The following MYO3B variants were observed in gnomAD, a reference collection of about 807,000 sequenced individuals.
The protein encoded by MYO3B is myosin-IIIb.
MYO3B carries 156 observed loss-of-function variants against 174.6 expected under a neutral mutation model. That is an observed-to-expected ratio of 0.89 (90% CI 0.78 to 1.02). MYO3B has a LOEUF of 1.02. MYO3B is among the 50% of genes least tolerant of loss of function. The pLI, the probability that MYO3B is intolerant of heterozygous loss-of-function variation, is 0.00. For synonymous variants in MYO3B, 563 were observed against 569.1 expected, an observed-to-expected ratio of 0.99 and a Z score of 0.15; for missense variants, 1,632 against 1,639.4, an observed-to-expected ratio of 1.00 and a Z score of 0.08.
At chr2:170,289,653 CTT>C (rs1160491027) in intron 7 of MYO3B, among the ~76,000 whole-genome samples, 1 of 151,786 alleles carries the variant, frequency 6.6e-6, no homozygotes, top group Non-Finnish European at 1.5e-5. Context: ...CAAAAACAAA[CTT>C]TTCATTTCCT....
chr2:170,293,082 T>C (rs2093606394), intron 7 of MYO3B, among the ~76,000 whole-genome samples: 1 of 152,152 alleles, frequency 6.6e-6, no homozygotes, highest in African/African-American at 2.4e-5. Flanking sequence ...TCTTTCACTG[T>C]TGACTTGGAG....
chr2:170,264,316 G>A (rs2093366942), intron 7 of MYO3B, among the ~76,000 whole-genome samples: 1 of 152,174 alleles, frequency 6.6e-6, no homozygotes, highest in Non-Finnish European at 1.5e-5. Context: ...TTCACAGTAT[G>A]GTGGTCTCAG....
At chr2:170,639,590 G>A (rs1575319445) in intron 32 of MYO3B, among the ~76,000 whole-genome samples, 1 of 152,174 alleles carries the variant, frequency 6.6e-6, no homozygotes, top group Admixed American at 6.5e-5. Context: ...CAAAAAGACA[G>A]CAAGACAATA....
In MYO3B at chr2:170,478,801, C is replaced by T. The variant is rs184564319; in HGVS notation, c.3014+12090C>T. On this transcript the variant is annotated intron_variant, in intron 25 of 34. Transcript: ENST00000408978. ...GGCCAGGCTGATCTCGAACTCCTGA[C>T]CTCAGGTGATCTCGGAGGTCTTGGC... 2.0e-3 allele frequency among the ~76,000 whole-genome samples: 292 copies of T among 147,430 alleles called. 2 individuals are homozygous for T. The highest frequency in any genetic ancestry group is 6.5e-3 in the African/African-American group (262 of 40,096).
At chr2:170,403,489 A>G (rs567754462) in intron 19 of MYO3B, among the ~76,000 whole-genome samples, 1 of 152,182 alleles carries the variant, frequency 6.6e-6, no homozygotes, top group Admixed American at 6.5e-5. Flanking sequence ...TGAGTTTAAT[A>G]ATAAATAAGA....
intron 1 of MYO3B, among the ~76,000 whole-genome samples, chr2:170,194,692 G>A (rs1032660776): frequency 6.6e-6 from 1 of 152,094 alleles, no homozygotes; most frequent in Non-Finnish European, 1.5e-5. Context: ...TAGGATATAC[G>A]TATATATGAA....
chr2:170,197,517 C>T (rs895175786), intron 1 of MYO3B, among the ~76,000 whole-genome samples: 12 of 152,138 alleles, frequency 7.9e-5, no homozygotes, highest in African/African-American at 2.4e-4. Context: ...AAGATTATGG[C>T]GTGAAGTTAT....
At chr2:170,614,068 C>T (rs1216729172) in intron 32 of MYO3B, among the ~76,000 whole-genome samples, 1 of 152,168 alleles carries the variant, frequency 6.6e-6, no homozygotes, top group Non-Finnish European at 1.5e-5. Flanking sequence ...TTTCATCCCT[C>T]TCTTCAATCC....
chr2:170,560,195 A>G (rs1399439903), intron 32 of MYO3B, among the ~76,000 whole-genome samples: 1 of 152,206 alleles, frequency 6.6e-6, no homozygotes, highest in South Asian at 2.1e-4. Flanking sequence ...ATTTCTAAAA[A>G]ACTACACTTG....
intron 25 of MYO3B, among the ~76,000 whole-genome samples, chr2:170,476,043 C>T (rs1685295661): frequency 6.6e-6 from 1 of 150,436 alleles, no homozygotes; most frequent in Non-Finnish European, 1.5e-5. Context: ...CCTACACATT[C>T]CTTTCCTTTT....
intron 32 of MYO3B, among the ~76,000 whole-genome samples, chr2:170,595,019 G>T (rs1188613983): frequency 6.6e-6 from 1 of 152,152 alleles, no homozygotes; most frequent in Non-Finnish European, 1.5e-5. Flanking sequence ...GAAAGAACCT[G>T]TGCAGGAGAG....
chr2:170,498,125 G>A (rs193276671), intron 25 of MYO3B, among the ~76,000 whole-genome samples: 11 of 152,218 alleles, frequency 7.2e-5, no homozygotes, highest in Admixed American at 7.2e-4. Flanking sequence ...AAGATGAATA[G>A]CTCAGCAGAA....
At chr2:170,323,741 T>C (rs2105502674) in intron 7 of MYO3B, among the ~76,000 whole-genome samples, 1 of 152,354 alleles carries the variant, frequency 6.6e-6, no homozygotes, top group East Asian at 1.9e-4. Context: ...TTTCACATAG[T>C]AAGTACTCAA....
At chr2:170,563,288 TGTA>T (rs1334598050) in intron 32 of MYO3B, among the ~76,000 whole-genome samples, 1 of 152,154 alleles carries the variant, frequency 6.6e-6, no homozygotes, top group Non-Finnish European at 1.5e-5. Flanking sequence ...TAAAGGATAG[TGTA>T]GTTCTCCAAG....
intron 7 of MYO3B, among the ~76,000 whole-genome samples, chr2:170,320,365 GA>G (rs1300525881): frequency 1.3e-5 from 2 of 152,054 alleles, no homozygotes; most frequent in Non-Finnish European, 2.9e-5. Flanking sequence ...ATTTTATAAT[GA>G]AAATATAAGA....
intron 23 of MYO3B, among the ~76,000 whole-genome samples, chr2:170,446,805 A>G (rs1006003954): frequency 6.6e-6 from 1 of 152,204 alleles, no homozygotes; most frequent in South Asian, 2.1e-4. Context: ...AAAGCCTACA[A>G]ATTTATTTAA....
chr2:170,237,102 C>A (rs1180123541), intron 7 of MYO3B, among the ~76,000 whole-genome samples: 1 of 152,166 alleles, frequency 6.6e-6, no homozygotes. Flanking sequence ...CCACCCAAGC[C>A]AGAGTTAGTC....
At chr2:170,307,421 T>G (rs1271469270) in intron 7 of MYO3B, among the ~76,000 whole-genome samples, 3 of 152,230 alleles carry the variant, frequency 2.0e-5, no homozygotes, top group Non-Finnish European at 4.4e-5. Flanking sequence ...TAAAATGCTC[T>G]GTTCAGTGAG....
intron 9 of MYO3B, among the ~76,000 whole-genome samples, chr2:170,377,500 T>G (rs913154887): frequency 6.6e-6 from 1 of 152,180 alleles, no homozygotes; most frequent in African/African-American, 2.4e-5. Context: ...GGTACAGACT[T>G]GCCCTCATTC....
Sources: allele counts gnomAD v4.1 joint callset (sites outside exome capture counted in the v4.1 genomes callset), GRCh38; gene constraint gnomAD v4.1.1; transcripts MANE v1.5; gene names NCBI Gene and HGNC (gene_info 2026-07-23, HGNC 2026-07-21).